LRBA: variants seen among roughly 807,000 people sequenced by gnomAD.
LRBA encodes the protein lipopolysaccharide-responsive and beige-like anchor protein.
Under a neutral mutation model 330.0 loss-of-function variants are expected in LRBA, and 176 were observed. The observed-to-expected ratio is 0.53, with a 90% CI of 0.47 to 0.60. The LOEUF is 0.60. LRBA is among the 20% of genes least tolerant of loss of function. The pLI, the probability that LRBA is intolerant of heterozygous loss-of-function variation, is 0.00. For synonymous variants in LRBA, 1,230 were observed against 1,193.0 expected, an observed-to-expected ratio of 1.03 and a Z score of -0.64; for missense variants, 3,259 against 3,444.8, an observed-to-expected ratio of 0.95 and a Z score of 1.35.
At chr4:150,990,614 T>C (rs1180035095) in intron 2 of LRBA, among the ~76,000 whole-genome samples, 1 of 151,938 alleles carries the variant, frequency 6.6e-6, no homozygotes, top group African/African-American at 2.4e-5. Flanking sequence ...CATGTGCCTA[T>C]AGTCCCAGCT....
chr4:150,809,671 A>G (rs563835773), intron 31 of LRBA, among the ~76,000 whole-genome samples: 2 of 152,242 alleles, frequency 1.3e-5, no homozygotes, highest in South Asian at 4.2e-4. Context: ...CCTGTGAAAC[A>G]CAGCAATGCC....
intron 2 of LRBA, among the ~76,000 whole-genome samples, chr4:150,930,273 C>T (rs1438730878): frequency 6.6e-6 from 1 of 151,778 alleles, no homozygotes; most frequent in African/African-American, 2.4e-5. Context: ...TGAGATTGTG[C>T]CACTGCACTG....
At chr4:150,315,489 C>T in intron 51 of LRBA, 72 bp downstream of exon 51, 1 of 1,277,062 alleles carries the variant, frequency 7.8e-7, no homozygotes, top group East Asian at 2.3e-5. Flanking sequence ...AAGTGAAAAA[C>T]AACTGTAATC....
intron 37 of LRBA, among the ~76,000 whole-genome samples, chr4:150,650,230 A>G (rs1389154074): frequency 6.6e-6 from 1 of 152,194 alleles, no homozygotes; most frequent in Non-Finnish European, 1.5e-5. Context: ...TAAGCTTGAA[A>G]GAAATACAAA....
intron 2 of LRBA, among the ~76,000 whole-genome samples, chr4:150,998,353 CAAAA>C (rs529906804): frequency 1.2e-5 from 1 of 85,164 alleles, no homozygotes; most frequent in Non-Finnish European, 2.5e-5. Context: ...AACTCCGTCT[CAAAA>C]AAAAAAAAAA....
At chr4:150,348,023 C>G (rs1371967767) in intron 48 of LRBA, among the ~76,000 whole-genome samples, 1 of 152,132 alleles carries the variant, frequency 6.6e-6, no homozygotes, top group African/African-American at 2.4e-5. Flanking sequence ...TCACACTAGC[C>G]ACATTTCAAT....
At chr4:150,620,791 T>C (rs1776216406) in intron 37 of LRBA, among the ~76,000 whole-genome samples, 1 of 152,060 alleles carries the variant, frequency 6.6e-6, no homozygotes, top group Non-Finnish European at 1.5e-5. Context: ...TATAATGGAC[T>C]ATGGGGACTC....
chr4:150,464,606 A>G (rs984085819), intron 44 of LRBA, among the ~76,000 whole-genome samples: 11 of 151,880 alleles, frequency 7.2e-5, no homozygotes, highest in East Asian at 1.9e-4. Flanking sequence ...CAATGGGTCA[A>G]TTGGGAAATT....
At chr4:150,768,712 G>A (rs905853101) in intron 34 of LRBA, among the ~76,000 whole-genome samples, 1 of 147,412 alleles carries the variant, frequency 6.8e-6, no homozygotes, top group Non-Finnish European at 1.5e-5. Flanking sequence ...TGAGCAAATT[G>A]CCAAAGTTAA....
Position 150,658,212 on chromosome 4 carries a change from T to C in LRBA, c.5921+25339A>G, listed in dbSNP as rs559399136. Among the ~76,000 whole-genome samples, 14 of 152,158 alleles carry C rather than the reference T, an allele frequency of 9.2e-5. No individual in the cohort carries two copies. The South Asian group carries it at 1.2e-3, about 14-fold the overall frequency. On this transcript the variant is annotated intron_variant, in intron 37 of 56. Coordinates refer to ENST00000651943, the MANE Select transcript of LRBA (RefSeq NM_001364905.1). ...AAATAGATTCCCCCCCTTCTTTTGA[T>C]ACTGATCAGAGACCTATCTTGACCT...
chr4:150,322,666 T>A (rs1429916880), intron 49 of LRBA, among the ~76,000 whole-genome samples: 2 of 152,214 alleles, frequency 1.3e-5, no homozygotes, highest in African/African-American at 4.8e-5. Flanking sequence ...CTATTTGCAC[T>A]CTTTGCATAA....
At chr4:150,538,339 A>G (rs145473532) in intron 40 of LRBA, among the ~76,000 whole-genome samples, 50 of 152,358 alleles carry the variant, frequency 3.3e-4, no homozygotes, top group African/African-American at 1.2e-3. Context: ...ATGCACTGGT[A>G]TGTTTATTGC....
chr4:150,807,488 C>T (rs530476146), intron 32 of LRBA, among the ~76,000 whole-genome samples: 21 of 152,288 alleles, frequency 1.4e-4, no homozygotes, highest in African/African-American at 4.8e-4. Context: ...GACACTAAGT[C>T]TCCAGTGGTG....
In LRBA at chr4:150,900,151, T is replaced by A; in HGVS notation, c.1822A>T (p.Ile608Phe). 1 of 1,612,958 alleles carries A rather than the reference T, an allele frequency of 6.2e-7. No individual in the cohort carries two copies. The highest frequency in any genetic ancestry group is 8.5e-7 in the Non-Finnish European group (1 of 1,178,984). The change falls in exon 14 of 57, where the codon ATT becomes TTT. Residue 608 changes from isoleucine to phenylalanine, a missense_variant. Physicochemically the swap from Ile to Phe is conservative, Grantham distance 21. Coordinates refer to ENST00000651943, the MANE Select transcript of LRBA (RefSeq NM_001364905.1). ...FIGTVNIYNTIRRVGTVLLIM... is the reference protein window; with the variant it reads ...FIGTVNIYNTFRRVGTVLLIM... ...AGAAGCACTGTTCCAACTCTCCGAA[T>A]GGTGTTATATATGTTGACTGTACCA... is the stretch of plus-strand genomic sequence containing the variant.
At chr4:150,787,343 G>C (rs558150007) in intron 34 of LRBA, among the ~76,000 whole-genome samples, 6 of 151,878 alleles carry the variant, frequency 4.0e-5, no homozygotes, top group Non-Finnish European at 8.8e-5. Context: ...AAATTGTTTC[G>C]AGAAAGTAGT....
intron 37 of LRBA, among the ~76,000 whole-genome samples, chr4:150,663,234 A>T (rs1781279666): frequency 6.6e-6 from 1 of 152,154 alleles, no homozygotes; most frequent in Non-Finnish European, 1.5e-5. Flanking sequence ...ACCGTTTCAG[A>T]GAATAAAGGG....
At chr4:150,358,593 T>C (rs1047381712) in intron 47 of LRBA, among the ~76,000 whole-genome samples, 2 of 152,188 alleles carry the variant, frequency 1.3e-5, no homozygotes, top group Admixed American at 6.5e-5. Context: ...ATTGCTGTTA[T>C]ATTTTCTAAG....
intron 27 of LRBA, 65 bp downstream of exon 27, chr4:150,844,593 A>T: frequency 7.0e-7 from 1 of 1,428,302 alleles, no homozygotes; most frequent in Non-Finnish European, 9.6e-7. Context: ...TGAAATGAAC[A>T]AATAAAAATC....
chr4:150,973,870 A>G (rs1291300056), intron 2 of LRBA, among the ~76,000 whole-genome samples: 1 of 152,234 alleles, frequency 6.6e-6, no homozygotes, highest in Non-Finnish European at 1.5e-5. Flanking sequence ...TCAGCAGTGC[A>G]GTAAAGTTTA....
Sources: gnomAD v4.1 joint callset for allele counts (sites outside exome capture counted in the v4.1 genomes callset) on GRCh38, gnomAD v4.1.1 for gene constraint, MANE v1.5 for transcripts, NCBI Gene and HGNC (gene_info 2026-07-23, HGNC 2026-07-21) for gene names.